Variants in PLA2R1 observed in about 807,000 individuals in gnomAD.
PLA2R1 encodes the protein secretory phospholipase A2 receptor.
In PLA2R1, 158 loss-of-function variants were observed where a neutral mutation model predicts 195.9. The observed-to-expected ratio is 0.81, with a 90% CI of 0.71 to 0.92. The LOEUF (loss-of-function observed/expected upper bound fraction) is 0.92. PLA2R1 is among the 40% of genes least tolerant of loss of function. The pLI, the probability that PLA2R1 is intolerant of heterozygous loss-of-function variation, is 0.00. For synonymous variants in PLA2R1, 586 were observed against 598.2 expected (o/e 0.98, Z 0.30); for missense variants, 1,626 against 1,764.6 (o/e 0.92, Z 1.41).
At chr2:159,924,736 G>T in the PLA2R1 span, among the ~76,000 whole-genome samples, 1 of 150,166 alleles carries the variant, frequency 6.7e-6, no homozygotes, top group Non-Finnish European at 1.5e-5. Context: ...GGCTGGGGGG[G>T]GGGCGGTGCG....
In PLA2R1 at chr2:160,028,818, C is replaced by T. The variant is rs969418669; in HGVS notation, c.955+32G>A. On this transcript the variant is annotated intron_variant, in intron 5 of 29. Transcript: ENST00000283243. ...TGTGTAAGGGTGCAAGATGATGCCA[C>T]GTGACGAAGGCAAAGAAAACACTGC... The T allele has an allele frequency of 7.0e-6, 9 of 1,278,140 alleles. No individual in the cohort carries two copies. In the East Asian group the frequency reaches 9.2e-5, roughly 13 times the overall value. The allele number at this position is 1,278,140 out of a possible 1,614,324, so 79.2% of individuals were successfully genotyped here.
At chr2:159,985,077 T>C (rs938073646) in intron 12 of PLA2R1, among the ~76,000 whole-genome samples, 3 of 152,184 alleles carry the variant, frequency 2.0e-5, no homozygotes, top group Admixed American at 1.3e-4. Flanking sequence ...GGGTGATATA[T>C]AGTAGAAAAG....
chr2:159,930,466 C>T (rs191264508), downstream of PLA2R1, among the ~76,000 whole-genome samples: 6 of 151,862 alleles, frequency 4.0e-5, no homozygotes, highest in East Asian at 1.9e-4. Context: ...ATGATGGGTG[C>T]ACCAAAAATC....
chr2:159,944,501 T>C (rs143529144), intron 28 of PLA2R1, among the ~76,000 whole-genome samples: 217 of 152,332 alleles, frequency 1.4e-3, no homozygotes, highest in African/African-American at 5.0e-3. Flanking sequence ...GAATCACATC[T>C]TCTTGTCTAC....
At chr2:160,030,606 C>T (rs934241256) in intron 4 of PLA2R1, among the ~76,000 whole-genome samples, 21 of 152,112 alleles carry the variant, frequency 1.4e-4, no homozygotes, top group African/African-American at 4.3e-4. Context: ...GCACAAAAAA[C>T]CATCTATTTA....
chr2:159,925,077 C>T, the PLA2R1 span, among the ~76,000 whole-genome samples: 2 of 152,174 alleles, frequency 1.3e-5, no homozygotes, highest in South Asian at 4.1e-4. Flanking sequence ...TATCTGCCCC[C>T]TTTCCCCGAT....
rs755967767 is a variant in PLA2R1 at position 160,033,136 on chromosome 2, G to C, written c.668-4C>G. On this transcript the variant is annotated splice_region_variant and splice_polypyrimidine_tract_variant and intron_variant, in intron 3 of 29. Transcript: ENST00000283243. Reference sequence around the variant, plus strand: ...TCACAACCTACTTCTGCAGAGGCTGGAAACAATGGCCATTAAAAACAACCA... The same window carrying C: ...TCACAACCTACTTCTGCAGAGGCTGCAAACAATGGCCATTAAAAACAACCA... 3.1e-6 allele frequency: 5 copies of C among 1,602,464 alleles called. No individual in the cohort carries two copies. Among genetic ancestry groups the C allele is most frequent in the Non-Finnish European group, 4.3e-6 (5 of 1,175,168 alleles).
At chr2:159,977,618 C>G (rs1055236355) in intron 14 of PLA2R1, among the ~76,000 whole-genome samples, 1 of 151,934 alleles carries the variant, frequency 6.6e-6, no homozygotes. Flanking sequence ...CTTAAAGATG[C>G]CTTTTTAAAA....
intron 17 of PLA2R1, among the ~76,000 whole-genome samples, chr2:159,971,696 A>G (rs1689202272): frequency 6.6e-6 from 1 of 152,184 alleles, no homozygotes; most frequent in Non-Finnish European, 1.5e-5. Flanking sequence ...TGAAGGCATT[A>G]TATATTTAAA....
intron 13 of PLA2R1, among the ~76,000 whole-genome samples, chr2:159,981,670 G>A (rs1329432838): frequency 6.6e-6 from 1 of 152,092 alleles, no homozygotes; most frequent in African/African-American, 2.4e-5. Flanking sequence ...CTCTCAAAGT[G>A]CTGGGATTAC....
chr2:160,038,786 G>GCTA (rs1694331575), intron 3 of PLA2R1, among the ~76,000 whole-genome samples: 3 of 152,016 alleles, frequency 2.0e-5, no homozygotes, highest in African/African-American at 7.3e-5. Context: ...TAGCATTGCT[G>GCTA]AGCCATGTTG....
chr2:159,991,141 T>C (rs1690759530), intron 11 of PLA2R1, among the ~76,000 whole-genome samples: 1 of 152,178 alleles, frequency 6.6e-6, no homozygotes, highest in African/African-American at 2.4e-5. Flanking sequence ...ATGAATGAGT[T>C]CCCCTAAAAT....
intron 18 of PLA2R1, 29 bp downstream of exon 18, chr2:159,970,119 A>G (rs1689058276): frequency 1.4e-6 from 2 of 1,480,062 alleles, no homozygotes; most frequent in African/African-American, 2.8e-5. Context: ...GTCAAACAAA[A>G]TTAAATGCAA....
In PLA2R1 at chr2:160,020,168, G is replaced by A. The variant is rs1272761282; in HGVS notation, c.1390C>T (p.His464Tyr). 2 of 1,613,306 alleles carry A rather than the reference G, an allele frequency of 1.2e-6. No homozygotes were observed. The highest frequency in any genetic ancestry group is 1.7e-6 in the Non-Finnish European group (2 of 1,179,390). Residue 464 changes from histidine to tyrosine, a missense_variant, in exon 8 of 30, where the codon CAC becomes TAC. His to Tyr is a moderately conservative substitution (Grantham distance 83). Transcript: ENST00000283243. ...GGAAAAATGTGGGGCTCAAGTGTGT[G>A]CCAATTAGTAAAGATGACTGAAGAG... Reference protein sequence around the residue: ...NDSSVIFTNWHTLEPHIFPNR... With the variant: ...NDSSVIFTNWYTLEPHIFPNR...
chr2:160,046,865 G>A (rs1407449883), intron 1 of PLA2R1, among the ~76,000 whole-genome samples: 2 of 152,112 alleles, frequency 1.3e-5, no homozygotes, highest in Non-Finnish European at 2.9e-5. Context: ...AATGTGATAT[G>A]GAGTCCGATA....
chr2:160,023,352 C>T (rs563160772), intron 6 of PLA2R1, among the ~76,000 whole-genome samples: 10 of 152,144 alleles, frequency 6.6e-5, no homozygotes, highest in Admixed American at 2.0e-4. Context: ...AAAACCAAGA[C>T]GGTGAGGAAG....
intron 20 of PLA2R1, among the ~76,000 whole-genome samples, chr2:159,966,095 A>G (rs1252596604): frequency 2.0e-5 from 3 of 152,230 alleles, no homozygotes; most frequent in Non-Finnish European, 4.4e-5. Context: ...AAATTCAGTG[A>G]TATAAGAAAT....
At chr2:160,037,276 G>A (rs1274411701) in intron 3 of PLA2R1, among the ~76,000 whole-genome samples, 4 of 152,134 alleles carry the variant, frequency 2.6e-5, no homozygotes, top group Non-Finnish European at 5.9e-5. Context: ...TCACTCCCCT[G>A]CTTAAAACTC....
chr2:160,040,668 T>C (rs1694469396), intron 3 of PLA2R1, among the ~76,000 whole-genome samples: 1 of 152,174 alleles, frequency 6.6e-6, no homozygotes, highest in Non-Finnish European at 1.5e-5. Flanking sequence ...AGCAAACCTG[T>C]CTTCTCTCTA....
Sources: gnomAD v4.1 joint callset for allele counts (sites outside exome capture counted in the v4.1 genomes callset) on GRCh38, gnomAD v4.1.1 for gene constraint, MANE v1.5 for transcripts, NCBI Gene and HGNC (gene_info 2026-07-23, HGNC 2026-07-21) for gene names.